Variants in DAB1 observed in about 807,000 individuals in gnomAD.
The protein encoded by DAB1 is DAB adaptor protein 1, also known as disabled homolog 1.
In DAB1, 15 loss-of-function variants were observed where a neutral mutation model predicts 64.6. The observed-to-expected ratio is 0.23, with a 90% CI of 0.16 to 0.36. The LOEUF (loss-of-function observed/expected upper bound fraction) is 0.36, where lower values mean the gene tolerates loss of function less well. Ranked by LOEUF, DAB1 falls within the 10% of genes least tolerant of loss-of-function variation. The pLI, the probability that DAB1 is intolerant of heterozygous loss-of-function variation, is 1.00. For synonymous variants in DAB1, 235 were observed against 251.9 expected, an observed-to-expected ratio of 0.93 and a Z score of 0.64; for missense variants, 596 against 706.7, an observed-to-expected ratio of 0.84 and a Z score of 1.78.
chr1:57,388,540 A>G (rs770852566), intron 1 of DAB1, among the ~76,000 whole-genome samples: 34 of 152,088 alleles, frequency 2.2e-4, no homozygotes, highest in Admixed American at 6.6e-5. Flanking sequence ...CTTCATCACA[A>G]ACTGAGCCCC....
chr1:58,307,416 AG>A (rs1353489673), intron 4 of DAB1, among the ~76,000 whole-genome samples: 2 of 152,188 alleles, frequency 1.3e-5, no homozygotes, highest in Non-Finnish European at 2.9e-5. Flanking sequence ...TTCCAATAAA[AG>A]GGATAACTGA....
chr1:57,710,524 G>C (rs1011520325), intron 6 of DAB1, among the ~76,000 whole-genome samples: 2 of 152,172 alleles, frequency 1.3e-5, no homozygotes, highest in African/African-American at 4.8e-5. Flanking sequence ...CACCATGAGA[G>C]AGCTTAAGTA....
chr1:58,498,311 C>T (rs1485648143), intron 3 of DAB1, among the ~76,000 whole-genome samples: 4 of 151,662 alleles, frequency 2.6e-5, no homozygotes, highest in African/African-American at 9.7e-5. Flanking sequence ...TATAACTTCA[C>T]CCTTGATTTT....
intron 1 of DAB1, among the ~76,000 whole-genome samples, chr1:57,418,662 A>G (rs1191584947): frequency 6.6e-6 from 1 of 152,178 alleles, no homozygotes; most frequent in Non-Finnish European, 1.5e-5. Flanking sequence ...CATCTCTTCT[A>G]TTCAGCAGAA....
intron 3 of DAB1, among the ~76,000 whole-genome samples, chr1:58,398,810 G>A (rs1644546202): frequency 6.6e-6 from 1 of 152,138 alleles, no homozygotes; most frequent in South Asian, 2.1e-4. Flanking sequence ...GCTATACAGG[G>A]GTGAATGGAA....
chr1:57,514,368 C>T (rs1239443367), intron 7 of DAB1, among the ~76,000 whole-genome samples: 1 of 152,180 alleles, frequency 6.6e-6, no homozygotes, highest in Non-Finnish European at 1.5e-5. Flanking sequence ...GATAATAGTC[C>T]GTTTAACAGG....
chr1:57,669,356 T>C (rs1646484088), intron 6 of DAB1, among the ~76,000 whole-genome samples: 1 of 152,164 alleles, frequency 6.6e-6, no homozygotes, highest in East Asian at 1.9e-4. Context: ...CTCACTACTA[T>C]AAGAATGTAT....
intron 4 of DAB1, among the ~76,000 whole-genome samples, chr1:58,207,399 T>C (rs1481380628): frequency 6.6e-6 from 1 of 152,226 alleles, no homozygotes; most frequent in East Asian, 1.9e-4. Flanking sequence ...TGCATGCCCA[T>C]TAATCCCACT....
chr1:58,485,820 C>T (rs543256525), intron 3 of DAB1, among the ~76,000 whole-genome samples: 18 of 152,202 alleles, frequency 1.2e-4, no homozygotes, highest in South Asian at 2.1e-4. Context: ...ACTTAACAAA[C>T]GCATGCTAAA....
Position 57,826,673 on chromosome 1 carries a change from T to C in DAB1, n.88-218A>G, listed in dbSNP as rs142413913. 1.7e-3 allele frequency among the ~76,000 whole-genome samples: 265 copies of C among 152,218 alleles called. 1 individual carries two copies. The highest frequency in any genetic ancestry group is 6.2e-3 in the African/African-American group (259 of 41,556). Reference sequence around the variant, plus strand: ...CAGGCATCGGAGCAGATGTGACAAGTGCACAGGGTTAATCAAGCATTCTGC... The same window carrying C: ...CAGGCATCGGAGCAGATGTGACAAGCGCACAGGGTTAATCAAGCATTCTGC... On this transcript the variant is annotated intron_variant and non_coding_transcript_variant, in intron 1 of 1. Transcript: ENST00000477280.
chr1:57,500,493 C>T (rs1027885792), intron 7 of DAB1, among the ~76,000 whole-genome samples: 10 of 152,168 alleles, frequency 6.6e-5, no homozygotes, highest in African/African-American at 2.4e-4. Flanking sequence ...AAAAAGAGGT[C>T]TTTTTTAAAT....
At chr1:57,843,142 A>T (rs993715419) in intron 1 of DAB1, among the ~76,000 whole-genome samples, 1 of 152,218 alleles carries the variant, frequency 6.6e-6, no homozygotes, top group Non-Finnish European at 1.5e-5. Flanking sequence ...TCACTTTTGC[A>T]CCATCATAAA....
chr1:57,962,744 G>T (rs1428404533), intron 5 of DAB1, among the ~76,000 whole-genome samples: 1 of 151,060 alleles, frequency 6.6e-6, no homozygotes, highest in Admixed American at 6.6e-5. Flanking sequence ...TGTGCCTGTA[G>T]TTCCTGTAGT....
intron 9 of DAB1, among the ~76,000 whole-genome samples, chr1:57,037,179 C>T (rs888352866): frequency 6.6e-6 from 1 of 152,206 alleles, no homozygotes; most frequent in Admixed American, 6.5e-5. Context: ...ATTTGCAAAT[C>T]ACCATGCTGG....
At chr1:57,886,301 G>C (rs2101976126), upstream of DAB1, among the ~76,000 whole-genome samples, 1 of 151,974 alleles carries the variant, frequency 6.6e-6, no homozygotes, top group African/African-American at 2.4e-5. Flanking sequence ...TGGGATTTTA[G>C]GTGCGTGCCA....
chr1:57,775,846 T>A (rs1649772597), intron 6 of DAB1, among the ~76,000 whole-genome samples: 1 of 151,720 alleles, frequency 6.6e-6, no homozygotes, highest in Non-Finnish European at 1.5e-5. Flanking sequence ...TTCCTTTCAG[T>A]TCTTATTCAG....
intron 9 of DAB1, among the ~76,000 whole-genome samples, chr1:57,044,736 T>G (rs2100496306): frequency 6.6e-6 from 1 of 152,326 alleles, no homozygotes; most frequent in South Asian, 2.1e-4. Context: ...GTGGTTGGGA[T>G]CATTATTTCT....
At chr1:57,980,047 T>C (rs971518650) in intron 5 of DAB1, among the ~76,000 whole-genome samples, 1 of 152,330 alleles carries the variant, frequency 6.6e-6, no homozygotes, top group South Asian at 2.1e-4. Flanking sequence ...AGAGTCATCA[T>C]CTAACCAATA....
At chr1:58,387,845 G>A (rs1273215578) in intron 3 of DAB1, among the ~76,000 whole-genome samples, 2 of 149,126 alleles carry the variant, frequency 1.3e-5, no homozygotes, top group African/African-American at 5.0e-5. Flanking sequence ...TCCTGCCTCA[G>A]CCTCTGAAGT....
Sources: allele counts gnomAD v4.1 joint callset (sites outside exome capture counted in the v4.1 genomes callset), GRCh38; gene constraint gnomAD v4.1.1; transcripts MANE v1.5; gene names NCBI Gene and HGNC (gene_info 2026-07-23, HGNC 2026-07-21).